Variants in CTDSP2 observed in about 807,000 individuals in gnomAD.
CTDSP2 encodes the protein carboxy-terminal domain RNA polymerase II polypeptide A small phosphatase 2.
A neutral mutation model predicts 31.6 loss-of-function variants in CTDSP2; 9 were observed. That is an observed-to-expected ratio of 0.28 (90% CI 0.17 to 0.50). The LOEUF (loss-of-function observed/expected upper bound fraction) is 0.50, where lower values mean the gene tolerates loss of function less well. CTDSP2 is among the 20% of genes least tolerant of loss of function. The pLI is 0.98. For synonymous variants in CTDSP2, 134 were observed against 134.5 expected (o/e 1.00, Z 0.03); for missense variants, 267 against 348.5 (o/e 0.77, Z 1.86).
intron 2 of CTDSP2, among the ~76,000 whole-genome samples, chr12:57,827,959 C>G (rs941751603): frequency 1.3e-5 from 2 of 152,176 alleles, no homozygotes; most frequent in African/African-American, 4.8e-5. Flanking sequence ...AGTCCTTAAA[C>G]TCAGGCTTCT....
intron 5 of CTDSP2, among the ~76,000 whole-genome samples, chr12:57,825,054 A>G (rs535409483): frequency 7.1e-4 from 108 of 152,126 alleles, no homozygotes; most frequent in African/African-American, 2.6e-3. Flanking sequence ...GGGTCTTGCT[A>G]TGTGAGGCCA....
intron 1 of CTDSP2, among the ~76,000 whole-genome samples, chr12:57,836,792 C>T (rs901233846): frequency 4.6e-5 from 7 of 152,158 alleles, no homozygotes; most frequent in African/African-American, 1.2e-4. Flanking sequence ...GCTTTGTGTC[C>T]CAGCAAAGGA....
chr12:57,831,882 C>A (rs541081408), intron 1 of CTDSP2, among the ~76,000 whole-genome samples: 42 of 152,244 alleles, frequency 2.8e-4, no homozygotes, highest in African/African-American at 1.0e-3. Context: ...CCAAGGTGGC[C>A]CTTGCAGAAG....
In CTDSP2 at chr12:57,846,644, G is replaced by T; in HGVS notation, c.-209C>A. ...GGGCGGCCCGGGCAGCGGCTCCCCC[G>T]GGTGCCCCCGGCCCCGATCCCCCAG... is the stretch of plus-strand genomic sequence containing the variant. On this transcript the variant is annotated 5_prime_UTR_variant, in exon 1 of 8. Coordinates refer to ENST00000398073, the MANE Select transcript of CTDSP2 (RefSeq NM_005730.4). 1 of 460,022 alleles carries T rather than the reference G, an allele frequency of 2.2e-6. No homozygotes were observed. Among genetic ancestry groups the T allele is most frequent in the Non-Finnish European group, 3.8e-6 (1 of 264,104 alleles). 28.5% of individuals were successfully genotyped at this position (460,022 alleles called of 1,614,324 possible). A position where few individuals can be genotyped will look rare whatever the true frequency, so the allele number is the denominator to read the frequency against.
chr12:57,842,580 T>C (rs956092364), intron 1 of CTDSP2: 2 of 152,236 alleles, frequency 1.3e-5, no homozygotes, highest in Admixed American at 1.3e-4. Context: ...CTCTGCAATT[T>C]TGGGGACAGG....
intron 1 of CTDSP2, among the ~76,000 whole-genome samples, chr12:57,835,844 G>A (rs1956244588): frequency 6.6e-6 from 1 of 152,162 alleles, no homozygotes; most frequent in Non-Finnish European, 1.5e-5. Context: ...TCAGGGCTGG[G>A]GTCCAGGCTC....
rs1263965160 is a variant in CTDSP2, at chr12:57,820,438, T to C, written c.*3164A>G. On this transcript the variant is annotated 3_prime_UTR_variant, in exon 8 of 8. Coordinates refer to ENST00000398073, the MANE Select transcript of CTDSP2 (RefSeq NM_005730.4). ...ACCTTTCTCATATACTTGGCCTGGC[T>C]AGGACACTGGGTGCCAGACAGCCTT... 1 of 152,222 alleles carries C rather than the reference T, an allele frequency of 6.6e-6. No homozygotes were observed. The highest frequency in any genetic ancestry group is 1.9e-4 in the East Asian group (1 of 5,198). The allele number at this position is 152,222 out of a possible 1,614,324, so 9.4% of individuals were successfully genotyped here.
chr12:57,823,565 C>T lies in CTDSP2; in HGVS notation c.*37G>A. ...CGTAAAGGCACAGTGTGGGAAAGTC[C>T]CCTACTGGGATGGCCGTCGCTTGGA... On this transcript the variant is annotated 3_prime_UTR_variant, in exon 8 of 8. Transcript: ENST00000398073. 2 of 1,610,290 alleles carry T rather than the reference C, an allele frequency of 1.2e-6. No homozygotes were observed. The highest frequency in any genetic ancestry group is 1.1e-5 in the South Asian group (1 of 90,688).
At chr12:57,823,853 G>C (rs756931156) in intron 7 of CTDSP2, 51 bp downstream of exon 7, 1 of 1,609,808 alleles carries the variant, frequency 6.2e-7, no homozygotes, top group South Asian at 1.1e-5. Flanking sequence ...CACAGTTCCA[G>C]TCTGCTTCCT....
intron 5 of CTDSP2, chr12:57,824,792 T>C (rs1321096176): frequency 4.5e-6 from 2 of 440,818 alleles, no homozygotes; most frequent in East Asian, 1.2e-4. Flanking sequence ...TTCCCCTCAA[T>C]GACCATAGAC....
rs1001347947 is a variant in CTDSP2, at chr12:57,831,451, CA to C, written c.65-1856del. Among the ~76,000 whole-genome samples, 233 of 144,134 alleles carry C rather than the reference CA, an allele frequency of 1.6e-3. 1 individual carries two copies. The highest frequency in any genetic ancestry group is 5.2e-3 in the African/African-American group (203 of 39,380). 94.6% of individuals were successfully genotyped at this position (144,134 alleles called of 152,430 possible). ...CTGGCCGACACAGCAAGACTCGTCT[CA>C]AAAAAAAAAAGATTATCTTTTGCAA... On this transcript the variant is annotated intron_variant, in intron 1 of 7. Coordinates refer to ENST00000398073, the MANE Select transcript of CTDSP2 (RefSeq NM_005730.4).
At position 57,823,341 on chromosome 12, in the gene CTDSP2, G is replaced by T. The variant is rs112840741; in HGVS notation, c.*261C>A. ...ACTATACACTGGGGCCACAGTTCAT[G>T]GCAAAACACACACACAAACACACAC... is the stretch of plus-strand genomic sequence containing the variant. On this transcript the variant is annotated 3_prime_UTR_variant, in exon 8 of 8. Transcript: ENST00000398073. 7.9e-6 allele frequency: 4 copies of T among 507,706 alleles called. No individual in the cohort carries two copies. Among genetic ancestry groups the T allele is most frequent in the Non-Finnish European group, 7.2e-6 (2 of 278,364 alleles). 31.5% of individuals were successfully genotyped at this position (507,706 alleles called of 1,614,324 possible). A position where few individuals can be genotyped will look rare whatever the true frequency, so the allele number is the denominator to read the frequency against.
At chr12:57,844,779 G>A (rs776764980) in intron 1 of CTDSP2, among the ~76,000 whole-genome samples, 15 of 151,950 alleles carry the variant, frequency 9.9e-5, no homozygotes, top group Non-Finnish European at 1.8e-4. Flanking sequence ...TGGCAACACC[G>A]AGGTCAGGGA....
At chr12:57,829,153 G>A (rs1956200227) in intron 2 of CTDSP2, among the ~76,000 whole-genome samples, 1 of 152,164 alleles carries the variant, frequency 6.6e-6, no homozygotes, top group African/African-American at 2.4e-5. Context: ...AGGGCTGCTG[G>A]CTGGATCACA....
chr12:57,845,852 C>T (rs1008974499), intron 1 of CTDSP2, among the ~76,000 whole-genome samples: 1 of 152,228 alleles, frequency 6.6e-6, no homozygotes. Context: ...AAGAGGTGAA[C>T]TTGGTCCCAA....
At chr12:57,842,029 C>G (rs1257605969) in intron 1 of CTDSP2, among the ~76,000 whole-genome samples, 1 of 152,108 alleles carries the variant, frequency 6.6e-6, no homozygotes, top group Non-Finnish European at 1.5e-5. Context: ...CTTTAACCAC[C>G]ATCCCTGACC....
intron 5 of CTDSP2, among the ~76,000 whole-genome samples, chr12:57,825,058 G>GA (rs1247722353): frequency 6.6e-6 from 1 of 151,998 alleles, no homozygotes; most frequent in Non-Finnish European, 1.5e-5. Context: ...CTTGCTATGT[G>GA]AGGCCAGGCT....
intron 1 of CTDSP2, among the ~76,000 whole-genome samples, chr12:57,841,503 G>A (rs1356835885): frequency 1.3e-5 from 2 of 152,212 alleles, no homozygotes; most frequent in African/African-American, 2.4e-5. Flanking sequence ...GAGACTCACA[G>A]GGGGCACATG....
chr12:57,826,902 TC>T, intron 4 of CTDSP2, 93 bp downstream of exon 4: 1 of 1,004,768 alleles, frequency 1.0e-6, no homozygotes, highest in South Asian at 1.5e-5. Context: ...TAATCACTCT[TC>T]TTTCCTCACC....
Sources: allele counts gnomAD v4.1 joint callset (sites outside exome capture counted in the v4.1 genomes callset), GRCh38; gene constraint gnomAD v4.1.1; transcripts MANE v1.5; gene names NCBI Gene and HGNC (gene_info 2026-07-23, HGNC 2026-07-21).